DPYSL2: variants seen among roughly 807,000 people sequenced by gnomAD.
DPYSL2 encodes dihydropyrimidinase-related protein 2.
A neutral mutation model predicts 69.9 loss-of-function variants in DPYSL2; 13 were observed. The observed-to-expected ratio is 0.19, with a 90% CI of 0.12 to 0.30. The LOEUF is 0.30. Among genes scored for constraint, DPYSL2 ranks in the 10% least tolerant of loss-of-function variants. DPYSL2 has a pLI of 1.00. For missense variants in DPYSL2, 587 were observed against 918.9 expected, an observed-to-expected ratio of 0.64 and a Z score of 4.67; for synonymous variants, 326 against 359.1, an observed-to-expected ratio of 0.91 and a Z score of 1.04.
chr8:26,577,497 C>A (rs1801378918), intron 1 of DPYSL2: 1 of 148,868 alleles, frequency 6.7e-6, no homozygotes, highest in African/African-American at 2.4e-5. Context: ...TCACCCCACG[C>A]GGGGCTGCCG....
Position 26,534,709 on chromosome 8 carries a change from T to G in DPYSL2, c.354+20030T>G, listed in dbSNP as rs1800564401. Reference sequence around the variant, plus strand: ...ATGCAGTGGCACAATCATAGCTCACTGCAGCCTTGAACTCCTGGGCTCAAG... The same window carrying G: ...ATGCAGTGGCACAATCATAGCTCACGGCAGCCTTGAACTCCTGGGCTCAAG... On this transcript the variant is annotated intron_variant, in intron 1 of 13. Transcript: ENST00000521913. Among the ~76,000 whole-genome samples, 4 of 151,668 alleles carry G rather than the reference T, an allele frequency of 2.6e-5. No homozygotes were observed. In the South Asian group the frequency reaches 8.4e-4, roughly 32 times the overall value.
At chr8:26,529,412 C>T (rs1800459388) in intron 1 of DPYSL2, among the ~76,000 whole-genome samples, 2 of 152,028 alleles carry the variant, frequency 1.3e-5, no homozygotes, top group South Asian at 4.2e-4. Context: ...TCATTGCAGC[C>T]TTGAACTCCT....
intron 1 of DPYSL2, among the ~76,000 whole-genome samples, chr8:26,536,085 C>G (rs1482436657): frequency 6.6e-6 from 1 of 150,710 alleles, no homozygotes; most frequent in African/African-American, 2.4e-5. Context: ...CCATGCCCAG[C>G]TAATTTTTGT....
chr8:26,556,353 T>A (rs1317626789), intron 1 of DPYSL2, among the ~76,000 whole-genome samples: 1 of 5,098 alleles, frequency 2.0e-4, no homozygotes, highest in African/African-American at 3.7e-4. Flanking sequence ...ATATATATAG[T>A]ATATATATAT....
rs919155968 is a variant in DPYSL2, at chr8:26,531,146, G to C, written c.354+16467G>C. Among the ~76,000 whole-genome samples, 70 of 151,906 alleles carry C rather than the reference G, an allele frequency of 4.6e-4. 1 individual carries two copies. The highest frequency in any genetic ancestry group is 3.7e-3 in the Admixed American group (56 of 15,258). On this transcript the variant is annotated intron_variant, in intron 1 of 13. Transcript: ENST00000521913. The stretch of plus-strand genomic sequence containing the variant: ...AAAACCCCCACCTCTTAACATTATT[G>C]CATTGGGGATTAGGTTTTCAATACA...
At chr8:26,534,568 T>G (rs1800561466) in intron 1 of DPYSL2, among the ~76,000 whole-genome samples, 1 of 152,170 alleles carries the variant, frequency 6.6e-6, no homozygotes, top group South Asian at 2.1e-4. Flanking sequence ...ACTTATTTTT[T>G]CTATGTAGGG....
Position 26,587,185 on chromosome 8 carries a change from C to G in DPYSL2, c.628+3202C>G, listed in dbSNP as rs916777082. Among the ~76,000 whole-genome samples the G allele has an allele frequency of 6.6e-6, 1 of 152,164 alleles. No individual in the cohort carries two copies. The highest frequency in any genetic ancestry group is 1.5e-5 in the Non-Finnish European group (1 of 68,026). ...AAGGAGGCCTTGCAAAGAGAAATAG[C>G]TTAATGCCACTTCATTGGCACCTAA... On this transcript the variant is annotated intron_variant, in intron 3 of 13. Transcript: ENST00000521913. The surrounding 1 kb of genome is among the most constrained non-coding windows in gnomAD (Gnocchi z 4.2).
chr8:26,574,615 C>A (rs1248440795), intron 1 of DPYSL2, among the ~76,000 whole-genome samples: 2 of 152,130 alleles, frequency 1.3e-5, no homozygotes, highest in East Asian at 3.9e-4. Context: ...TCATGTTTGG[C>A]ATGAATTTAA....
In DPYSL2 at chr8:26,652,425, G is replaced by A. The variant is rs1803297694; in HGVS notation, c.1765G>A (p.Ala589Thr). Residue 589 changes from alanine (A) to threonine (T), a missense_variant, in exon 12 of 14, where the codon GCA (alanine) becomes ACA (threonine). This residue lies in a region of DPYSL2 where 452 missense variants were observed against 754.3 expected (regional missense o/e 0.60). Transcript: ENST00000521913. This position sits in a 1 kb window ranked among gnomAD's most constrained non-coding sequence, Gnocchi z 6.3. The stretch of plus-strand genomic sequence containing the variant: ...TGATTTTGTTTACAAGCGTATCAAG[G>A]CAAGGAGCAGGGTGAGTAGTTTTGT... ...FPDFVYKRIK[A>T]RSRLAELRGV... The A allele has an allele frequency of 4.3e-6, 7 of 1,612,562 alleles. No homozygotes were observed. Among genetic ancestry groups the A allele is most frequent in the Non-Finnish European group, 5.9e-6 (7 of 1,179,268 alleles).
chr8:26,585,559 G>GA lies in DPYSL2; in HGVS notation c.628+1576_628+1577insA. 6.6e-6 allele frequency among the ~76,000 whole-genome samples: 1 copy of GA among 152,160 alleles called. No homozygotes were observed. The highest frequency in any genetic ancestry group is 1.9e-4 in the East Asian group (1 of 5,180). On this transcript the variant is annotated intron_variant, in intron 3 of 13. Coordinates refer to ENST00000521913, the MANE Select transcript of DPYSL2 (RefSeq NM_001197293.3). This position sits in a 1 kb window ranked among gnomAD's most constrained non-coding sequence, Gnocchi z 4.0. ...GTGGGTGCCATTTTCCAGGGATGTC[G>GA]GGGGGAGATTTCATGCACACCTAGG...
chr8:26,527,054 T>C (rs113517049), intron 1 of DPYSL2, among the ~76,000 whole-genome samples: 12 of 152,366 alleles, frequency 7.9e-5, no homozygotes, highest in African/African-American at 2.6e-4. Flanking sequence ...TTTGGCATTT[T>C]GTGGCTTGAG....
In DPYSL2 at chr8:26,516,609, A is replaced by C. The variant is rs547323065; in HGVS notation, c.354+1930A>C. 6.6e-6 allele frequency among the ~76,000 whole-genome samples: 1 copy of C among 152,332 alleles called. No homozygotes were observed. The highest frequency in any genetic ancestry group is 2.4e-5 in the African/African-American group (1 of 41,578). On this transcript the variant is annotated intron_variant, in intron 1 of 13. Coordinates refer to ENST00000521913, the MANE Select transcript of DPYSL2 (RefSeq NM_001197293.3). The surrounding 1 kb of genome is among the most constrained non-coding windows in gnomAD (Gnocchi z 4.8). ...AGAAGCTTAGATATATGAAATTCTA[A>C]ATTGTAAAACTAAGGCACGCAGAGG...
At chr8:26,635,793 A>AT (rs1389621991) in intron 8 of DPYSL2, among the ~76,000 whole-genome samples, 1 of 150,294 alleles carries the variant, frequency 6.7e-6, no homozygotes, top group Non-Finnish European at 1.5e-5. Context: ...TTTCTGTTTC[A>AT]TTTTATCTTT....
At chr8:26,522,958 C>G (rs1234617746) in intron 1 of DPYSL2, among the ~76,000 whole-genome samples, 1 of 151,990 alleles carries the variant, frequency 6.6e-6, no homozygotes, top group East Asian at 1.9e-4. Flanking sequence ...AGTTCCAGTA[C>G]CTAATTTCCT....
intron 1 of DPYSL2, among the ~76,000 whole-genome samples, chr8:26,543,479 G>A (rs1747118461): frequency 1.3e-5 from 2 of 149,544 alleles, no homozygotes; most frequent in Admixed American, 1.3e-4. Flanking sequence ...CTAATTCACT[G>A]GCTCTACCTT....
At chr8:26,633,792 G>A (rs1177191294) in intron 7 of DPYSL2, among the ~76,000 whole-genome samples, 1 of 152,212 alleles carries the variant, frequency 6.6e-6, no homozygotes, top group African/African-American at 2.4e-5. Context: ...CCGATTTAAA[G>A]CGCCAGATTA....
At chr8:26,556,980 A>C (rs1304041279) in intron 1 of DPYSL2, among the ~76,000 whole-genome samples, 1 of 152,176 alleles carries the variant, frequency 6.6e-6, no homozygotes, top group Non-Finnish European at 1.5e-5. Context: ...TTGAAAATAC[A>C]GCCTTTTCAA....
chr8:26,620,995 A>G lies in DPYSL2; in HGVS notation c.629-3148A>G, dbSNP rs1014224093. Among the ~76,000 whole-genome samples, 13 of 152,228 alleles carry G rather than the reference A, an allele frequency of 8.5e-5. No individual in the cohort carries two copies. Among genetic ancestry groups the G allele is most frequent in the African/African-American group, 2.9e-4 (12 of 41,458 alleles). ...AATACACACGTACATACATACACAT[A>G]CATACATGCCTCTTTCCTGATTTTA... is the stretch of plus-strand genomic sequence containing the variant. On this transcript the variant is annotated intron_variant, in intron 3 of 13. Coordinates refer to ENST00000521913, the MANE Select transcript of DPYSL2 (RefSeq NM_001197293.3). The surrounding 1 kb of genome is among the most constrained non-coding windows in gnomAD (Gnocchi z 4.5).
rs183294156 is a variant in DPYSL2 at position 26,607,802 on chromosome 8, G to A, written c.629-16341G>A. ...TCAAAAAGAAAAAAAAAAATCGGCT[G>A]GGTGTGGTGGCTAATGCCTGTAATC... On this transcript the variant is annotated intron_variant, in intron 3 of 13. Coordinates refer to ENST00000521913, the MANE Select transcript of DPYSL2 (RefSeq NM_001197293.3). 1.7e-3 allele frequency among the ~76,000 whole-genome samples: 262 copies of A among 151,930 alleles called. 1 individual carries two copies. The highest frequency in any genetic ancestry group is 5.6e-3 in the African/African-American group (234 of 41,458).
Sources: gnomAD v4.1 joint callset for allele counts (sites outside exome capture counted in the v4.1 genomes callset) on GRCh38, gnomAD v4.1.1 for gene constraint, gnomAD v4.1.1 regional missense constraint, Gnocchi (gnomAD v3.1) non-coding constraint, MANE v1.5 for transcripts, NCBI Gene and HGNC (gene_info 2026-07-23, HGNC 2026-07-21) for gene names.